The following SHROOM3 variants were observed in gnomAD, a reference collection of about 807,000 sequenced individuals.
SHROOM3 encodes protein Shroom3.
SHROOM3 carries 47 observed loss-of-function variants against 138.6 expected under a neutral mutation model. The ratio of observed to expected loss-of-function variants is 0.34; its 90% CI spans 0.27 to 0.43. SHROOM3 has a LOEUF of 0.43. Among genes scored for constraint, SHROOM3 ranks in the 20% least tolerant of loss-of-function variants. The probability of loss-of-function intolerance (pLI) is 1.00; values close to 1 mark genes in which losing one functional copy is unlikely to be tolerated. For missense variants in SHROOM3, 2,491 were observed against 2,596.5 expected (o/e 0.96, Z 0.88); for synonymous variants, 1,062 against 1,063.3 (o/e 1.00, Z 0.02).
At chr4:76,655,229 C>T (rs1736040236) in intron 2 of SHROOM3, among the ~76,000 whole-genome samples, 1 of 152,166 alleles carries the variant, frequency 6.6e-6, no homozygotes, top group Non-Finnish European at 1.5e-5. Flanking sequence ...TTAGTCTCTT[C>T]TCAGGTTCCT....
intron 2 of SHROOM3, among the ~76,000 whole-genome samples, chr4:76,679,968 C>G (rs993368010): frequency 9.2e-5 from 14 of 152,338 alleles, no homozygotes; most frequent in Non-Finnish European, 1.8e-4. Flanking sequence ...GCACACTTCA[C>G]TTTCTTCCAG....
chr4:76,548,927 G>GT lies in SHROOM3; in HGVS notation c.169-6682_169-6681insT, dbSNP rs1560541837. ...GAAGTCATTTAACCTGTTGACAGTC[G>GT]CATTCTTGGAATAAGTAAGTTCCAT... On this transcript the variant is annotated intron_variant, in intron 1 of 10. Transcript: ENST00000296043. 3.4e-3 allele frequency among the ~76,000 whole-genome samples: 515 copies of GT among 152,272 alleles called. 2 individuals are homozygous for GT. The highest frequency in any genetic ancestry group is 0.012 in the African/African-American group (492 of 41,560).
intron 1 of SHROOM3, among the ~76,000 whole-genome samples, chr4:76,521,257 A>T (rs1732557490): frequency 6.6e-6 from 1 of 150,466 alleles, no homozygotes. Context: ...GGGTTTCAAG[A>T]GATGTGAAGC....
intron 2 of SHROOM3, among the ~76,000 whole-genome samples, chr4:76,578,899 T>C (rs901833114): frequency 6.6e-6 from 1 of 152,220 alleles, no homozygotes; most frequent in Admixed American, 6.5e-5. Flanking sequence ...TTTGTGCGAA[T>C]TTAAAAATGA....
intron 2 of SHROOM3, among the ~76,000 whole-genome samples, chr4:76,693,837 T>C (rs1719642698): frequency 7.3e-6 from 1 of 136,758 alleles, no homozygotes; most frequent in Admixed American, 7.5e-5. Context: ...TTTTTTTTTT[T>C]TTCCTGAGGA....
At chr4:76,518,498 T>G (rs368272596) in intron 1 of SHROOM3, among the ~76,000 whole-genome samples, 11 of 89,896 alleles carry the variant, frequency 1.2e-4, no homozygotes, top group East Asian at 4.0e-4. Flanking sequence ...CTGCCTGCCT[T>G]CCTTCCTTCC....
intron 2 of SHROOM3, among the ~76,000 whole-genome samples, chr4:76,563,434 C>T (rs1291384865): frequency 6.6e-6 from 1 of 152,180 alleles, no homozygotes; most frequent in Non-Finnish European, 1.5e-5. Flanking sequence ...TGAAAGAGTT[C>T]TAACTTTGAA....
chr4:76,520,358 T>TA (rs1358097143), intron 1 of SHROOM3, among the ~76,000 whole-genome samples: 1 of 152,144 alleles, frequency 6.6e-6, no homozygotes, highest in African/African-American at 2.4e-5. Context: ...ATGATGATGA[T>TA]AACAACACTA....
chr4:76,620,782 A>C (rs1734988071), intron 2 of SHROOM3, among the ~76,000 whole-genome samples: 1 of 152,204 alleles, frequency 6.6e-6, no homozygotes, highest in South Asian at 2.1e-4. Context: ...CACCAGGCTG[A>C]GGAACCCGAT....
chr4:76,542,197 T>A (rs79874644), intron 1 of SHROOM3, among the ~76,000 whole-genome samples: 1 of 152,324 alleles, frequency 6.6e-6, no homozygotes, highest in East Asian at 1.9e-4. Context: ...CACCATAGTC[T>A]ACTTTCATTC....
At chr4:76,555,892 CT>C in intron 2 of SHROOM3, 129 bp downstream of exon 2, 6 of 997,870 alleles carry the variant, frequency 6.0e-6, no homozygotes, top group African/African-American at 1.6e-5. Context: ...TGGATCCTGC[CT>C]TTTTTTCTTT....
chr4:76,507,613 T>C (rs1300041993), intron 1 of SHROOM3, among the ~76,000 whole-genome samples: 2 of 151,014 alleles, frequency 1.3e-5, no homozygotes, highest in Admixed American at 6.6e-5. Context: ...CTCGGCTCAC[T>C]GCAAGCTCCA....
chr4:76,721,137 C>T (rs977173852), intron 3 of SHROOM3, among the ~76,000 whole-genome samples: 2 of 151,556 alleles, frequency 1.3e-5, no homozygotes, highest in Admixed American at 6.6e-5. Context: ...CGGTGAAACC[C>T]CGTCTCTACT....
intron 2 of SHROOM3, among the ~76,000 whole-genome samples, chr4:76,629,702 T>A (rs999908707): frequency 7.2e-5 from 11 of 152,174 alleles, no homozygotes; most frequent in African/African-American, 2.7e-4. Context: ...ATGCTCAATG[T>A]GGGGTGAGAG....
chr4:76,559,005 G>A (rs550074970), intron 2 of SHROOM3, among the ~76,000 whole-genome samples: 6 of 152,244 alleles, frequency 3.9e-5, no homozygotes, highest in East Asian at 3.9e-4. Flanking sequence ...TTTCATTCTC[G>A]TCAACACCAA....
chr4:76,716,451 C>G, intron 3 of SHROOM3: 3 of 518,550 alleles, frequency 5.8e-6, no homozygotes, highest in South Asian at 4.2e-5. Flanking sequence ...CAGAATCTTT[C>G]ATTGCAGGAT....
intron 2 of SHROOM3, among the ~76,000 whole-genome samples, chr4:76,697,528 G>A (rs1175280814): frequency 1.3e-5 from 2 of 152,158 alleles, no homozygotes; most frequent in African/African-American, 4.8e-5. Context: ...TGATGCGATT[G>A]TGGGAGAAGG....
chr4:76,449,620 C>A (rs1008073831), intron 1 of SHROOM3, among the ~76,000 whole-genome samples: 1 of 152,118 alleles, frequency 6.6e-6, no homozygotes, highest in Non-Finnish European at 1.5e-5. Context: ...TTGTTTTTTG[C>A]TTGAGTTCAC....
intron 2 of SHROOM3, among the ~76,000 whole-genome samples, chr4:76,616,925 A>T (rs959986398): frequency 1.3e-5 from 2 of 152,270 alleles, no homozygotes; most frequent in Non-Finnish European, 2.9e-5. Flanking sequence ...CATGGAACAG[A>T]TAGTGAAGTT....
Sources: allele counts gnomAD v4.1 joint callset (sites outside exome capture counted in the v4.1 genomes callset), GRCh38; gene constraint gnomAD v4.1.1; transcripts MANE v1.5; gene names NCBI Gene and HGNC (gene_info 2026-07-23, HGNC 2026-07-21).